The following DTNA variants were observed in gnomAD, a reference collection of about 807,000 sequenced individuals.
The protein encoded by DTNA is dystrobrevin alpha, also known as dystrophin-related protein 3.
Under a neutral mutation model 100.7 loss-of-function variants are expected in DTNA, and 43 were observed. The ratio of observed to expected loss-of-function variants is 0.43; its 90% CI spans 0.33 to 0.55. The LOEUF is 0.55. Ranked by LOEUF, DTNA falls within the 20% of genes least tolerant of loss-of-function variation. The pLI is 0.04. For synonymous variants in DTNA, 349 were observed against 347.9 expected, an observed-to-expected ratio of 1.00 and a Z score of -0.04; for missense variants, 798 against 953.9, an observed-to-expected ratio of 0.84 and a Z score of 2.15.
intron 21 of DTNA, among the ~76,000 whole-genome samples, chr18:34,882,562 G>A (rs1237944316): frequency 6.6e-6 from 1 of 151,868 alleles, no homozygotes; most frequent in African/African-American, 2.4e-5. Flanking sequence ...TAGAGAAGGG[G>A]CTTCACCATA....
chr18:34,746,420 C>G (rs2091585381), intron 1 of DTNA, among the ~76,000 whole-genome samples: 1 of 152,136 alleles, frequency 6.6e-6, no homozygotes, highest in African/African-American at 2.4e-5. Context: ...GAAAGCCTCT[C>G]TCTCCAATGT....
intron 2 of DTNA, among the ~76,000 whole-genome samples, chr18:34,764,725 C>T (rs113987722): frequency 5.9e-5 from 9 of 152,282 alleles, no homozygotes; most frequent in East Asian, 1.9e-4. Flanking sequence ...CTTAATTGGC[C>T]GTCTAATATA....
At chr18:34,522,363 C>CT (rs1218628500) in intron 1 of DTNA, among the ~76,000 whole-genome samples, 2 of 152,170 alleles carry the variant, frequency 1.3e-5, no homozygotes, top group Admixed American at 6.5e-5. Flanking sequence ...GGGAAATACT[C>CT]TGAGTACACG....
At chr18:34,831,430 G>C (rs1321970789) in intron 11 of DTNA, among the ~76,000 whole-genome samples, 31 of 152,172 alleles carry the variant, frequency 2.0e-4, no homozygotes, top group Admixed American at 2.0e-3. Flanking sequence ...AATCTAATGT[G>C]CTAGTTTCTG....
intron 1 of DTNA, among the ~76,000 whole-genome samples, chr18:34,521,489 C>A (rs752389814): frequency 2.0e-5 from 3 of 152,138 alleles, no homozygotes; most frequent in Non-Finnish European, 4.4e-5. Context: ...TCAGTCATGT[C>A]CCATCACACT....
chr18:34,846,640 A>C (rs1037303889), intron 13 of DTNA, among the ~76,000 whole-genome samples: 2 of 152,134 alleles, frequency 1.3e-5, no homozygotes, highest in African/African-American at 4.8e-5. Flanking sequence ...GATAATGTAG[A>C]CAGGAATGTC....
At chr18:34,668,987 C>T (rs1011270824) in intron 1 of DTNA, among the ~76,000 whole-genome samples, 2 of 152,126 alleles carry the variant, frequency 1.3e-5, no homozygotes, top group Non-Finnish European at 2.9e-5. Flanking sequence ...TCCTTGTTAA[C>T]TTTCTGTCTC....
At chr18:34,663,235 C>G (rs970534506) in intron 1 of DTNA, among the ~76,000 whole-genome samples, 1 of 152,100 alleles carries the variant, frequency 6.6e-6, no homozygotes, top group Admixed American at 6.6e-5. Context: ...CTCACTGCAG[C>G]CTTGACCCCG....
Position 34,882,134 on chromosome 18 carries a change from G to A in DTNA, c.2228G>A (p.Arg743Gln), listed in dbSNP as rs371303988. Reference protein sequence around the residue: ...EDENYENDSVRQLENELQMEE... With the variant: ...EDENYENDSVQQLENELQMEE... The stretch of plus-strand genomic sequence containing the variant: ...GAAAACTATGAAAATGACTCTGTCC[G>A]GCAGCTGGAGAATGAGCTCCAGATG... The change falls in exon 21 of 23, where the codon CGG becomes CAG. Residue 743 changes from arginine (R) to glutamine (Q), a missense_variant. Coordinates refer to ENST00000444659, the MANE Select transcript of DTNA (RefSeq NM_001386795.1). 1.1e-5 allele frequency: 17 copies of A among 1,613,900 alleles called. No individual in the cohort carries two copies. Among genetic ancestry groups the A allele is most frequent in the African/African-American group, 5.3e-5 (4 of 74,870 alleles).
At chr18:34,591,013 G>T (rs2049663966) in intron 1 of DTNA, among the ~76,000 whole-genome samples, 1 of 152,164 alleles carries the variant, frequency 6.6e-6, no homozygotes, top group African/African-American at 2.4e-5. Flanking sequence ...ATATCTGACT[G>T]ATGAATGTTG....
intron 1 of DTNA, among the ~76,000 whole-genome samples, chr18:34,742,432 T>C (rs533093367): frequency 1.3e-5 from 2 of 152,270 alleles, no homozygotes; most frequent in African/African-American, 4.8e-5. Flanking sequence ...TCTCGGTTTG[T>C]GGGTCCTGCC....
chr18:34,616,256 C>A (rs2055258446), intron 1 of DTNA, among the ~76,000 whole-genome samples: 2 of 152,272 alleles, frequency 1.3e-5, no homozygotes, highest in African/African-American at 4.8e-5. Flanking sequence ...CTATTAAAAA[C>A]CCTTGAGGAA....
At chr18:34,703,152 G>T (rs1298221395) in intron 1 of DTNA, among the ~76,000 whole-genome samples, 1 of 152,148 alleles carries the variant, frequency 6.6e-6, no homozygotes, top group Non-Finnish European at 1.5e-5. Flanking sequence ...GTTTCTCTAT[G>T]CTCTGTATGT....
intron 1 of DTNA, among the ~76,000 whole-genome samples, chr18:34,517,732 C>G (rs1413777552): frequency 1.3e-5 from 2 of 151,884 alleles, no homozygotes; most frequent in African/African-American, 4.8e-5. Flanking sequence ...TTTAAAAATT[C>G]AACATAATTT....
At chr18:34,646,616 A>T (rs1292539760) in intron 1 of DTNA, among the ~76,000 whole-genome samples, 2 of 152,200 alleles carry the variant, frequency 1.3e-5, no homozygotes, top group Non-Finnish European at 2.9e-5. Flanking sequence ...AGTGCTACAA[A>T]TTTTTTAAAG....
At chr18:34,579,750 GTGT>G (rs2048439556) in intron 1 of DTNA, among the ~76,000 whole-genome samples, 1 of 152,160 alleles carries the variant, frequency 6.6e-6, no homozygotes. Context: ...ATGCCTCAAC[GTGT>G]TGTTGGTGGT....
intron 4 of DTNA, among the ~76,000 whole-genome samples, chr18:34,803,261 C>T (rs2095271046): frequency 2.0e-5 from 3 of 151,944 alleles, no homozygotes; most frequent in African/African-American, 4.8e-5. Flanking sequence ...AACCCTCATT[C>T]GGCTGCCCTC....
At chr18:34,820,260 A>C (rs1468361399) in intron 8 of DTNA, among the ~76,000 whole-genome samples, 1 of 152,106 alleles carries the variant, frequency 6.6e-6, no homozygotes, top group Admixed American at 6.5e-5. Context: ...ACTCATCTTC[A>C]TTCCAAGCCT....
intron 15 of DTNA, among the ~76,000 whole-genome samples, chr18:34,854,074 T>C (rs2096523765): frequency 6.6e-6 from 1 of 152,100 alleles, no homozygotes; most frequent in Non-Finnish European, 1.5e-5. Flanking sequence ...AAGCAAACAA[T>C]GTAAAAGAAC....
Sources: allele counts gnomAD v4.1 joint callset (sites outside exome capture counted in the v4.1 genomes callset), GRCh38; gene constraint gnomAD v4.1.1; transcripts MANE v1.5; gene names NCBI Gene and HGNC (gene_info 2026-07-23, HGNC 2026-07-21).